GRAP: variants seen among roughly 807,000 people sequenced by gnomAD.
The protein encoded by GRAP is GRB2-related adapter protein.
A neutral mutation model predicts 9.1 loss-of-function variants in GRAP; 2 were observed. The observed-to-expected ratio is 0.22, with a 90% CI of 0.09 to 0.69. The LOEUF (loss-of-function observed/expected upper bound fraction) is 0.69, where lower values mean the gene tolerates loss of function less well. GRAP is among the 30% of genes least tolerant of loss of function. GRAP has a pLI of 0.81. For missense variants in GRAP, 113 were observed against 179.4 expected (o/e 0.63, Z 2.12); for synonymous variants, 68 against 73.6 (o/e 0.92, Z 0.39).
intron 3 of GRAP, among the ~76,000 whole-genome samples, chr17:19,027,495 C>CACACACAT: frequency 1.4e-5 from 2 of 147,522 alleles, no homozygotes. Flanking sequence ...CACACACACA[C>CACACACAT]ACACACACAC....
At chr17:19,049,834 T>C (rs2044390487), upstream of GRAP, among the ~76,000 whole-genome samples, 1 of 150,444 alleles carries the variant, frequency 6.6e-6, no homozygotes, top group African/African-American at 2.4e-5. Flanking sequence ...TCCCAGCTAT[T>C]TGGGAGGCTG....
Position 19,021,880 on chromosome 17 carries a change from A to T in GRAP, c.*79T>A. On this transcript the variant is annotated 3_prime_UTR_variant, in exon 5 of 5. Transcript: ENST00000284154. This position sits in a 1 kb window ranked among gnomAD's most constrained non-coding sequence, Gnocchi z 4.1. ...CCACTGAGCCCCGTGTGACTCTGACAGAGCTGGGGGTGTCCATGTCCTCTC... is the reference window on the plus strand; with the variant it reads ...CCACTGAGCCCCGTGTGACTCTGACTGAGCTGGGGGTGTCCATGTCCTCTC... 1.5e-6 allele frequency: 2 copies of T among 1,367,048 alleles called. No homozygotes were observed. Among genetic ancestry groups the T allele is most frequent in the Non-Finnish European group, 1.9e-6 (2 of 1,048,300 alleles). The allele number at this position is 1,367,048 out of a possible 1,614,324, so 84.7% of individuals were successfully genotyped here. A position where few individuals can be genotyped will look rare whatever the true frequency, so the allele number is the denominator to read the frequency against.
Position 19,020,813 on chromosome 17 carries a change from C to T in GRAP, c.*1146G>A, listed in dbSNP as rs2044251990. The T allele has an allele frequency of 2.3e-5, 5 of 213,296 alleles. No individual in the cohort carries two copies. The South Asian group carries it at 4.1e-4, about 18-fold the overall frequency. The allele number at this position is 213,296 out of a possible 1,614,324, so 13.2% of individuals were successfully genotyped here. A position where few individuals can be genotyped will look rare whatever the true frequency, so the allele number is the denominator to read the frequency against. On this transcript the variant is annotated 3_prime_UTR_variant, in exon 5 of 5. Coordinates refer to ENST00000284154, the MANE Select transcript of GRAP (RefSeq NM_006613.4). ...GGATGGAGGAAGAGCCCCACATGCCCAGAGCAAGGCCCCCCATTAAGGGAC... is the reference window on the plus strand; with the variant it reads ...GGATGGAGGAAGAGCCCCACATGCCTAGAGCAAGGCCCCCCATTAAGGGAC...
intron 4 of GRAP, among the ~76,000 whole-genome samples, chr17:19,022,977 C>T (rs2044285150): frequency 6.6e-6 from 1 of 152,198 alleles, no homozygotes; most frequent in Non-Finnish European, 1.5e-5. Flanking sequence ...ACGGCCCGGG[C>T]CAGAGCGAGG....
At chr17:19,031,455 C>T (rs2044336468) in intron 3 of GRAP, 1 of 129,048 alleles carries the variant, frequency 7.7e-6, no homozygotes, top group African/African-American at 3.0e-5. Context: ...ATCTGGGTTC[C>T]CTGACTCCCT....
intron 4 of GRAP, chr17:19,022,560 C>T (rs942033196): frequency 6.4e-5 from 11 of 171,220 alleles, no homozygotes; most frequent in African/African-American, 9.5e-5. Context: ...TGTAAAGTGA[C>T]GTGCAGCTAA....
At chr17:19,027,340 A>C (rs2044314980) in intron 3 of GRAP, among the ~76,000 whole-genome samples, 1 of 148,222 alleles carries the variant, frequency 6.7e-6, no homozygotes, top group Non-Finnish European at 1.5e-5. Flanking sequence ...GTAGGGGCAC[A>C]GGATGGCCAC....
At chr17:19,028,333 AG>A (rs1240131501) in intron 3 of GRAP, among the ~76,000 whole-genome samples, 2 of 20,454 alleles carry the variant, frequency 9.8e-5, no homozygotes, top group Admixed American at 9.9e-4. Flanking sequence ...CTCAAGGCCC[AG>A]GTAAAATGGC....
Position 19,024,225 on chromosome 17 carries a change from G to C in GRAP, c.458C>G (p.Pro153Arg). The C allele has an allele frequency of 6.3e-7, 1 of 1,588,704 alleles. No homozygotes were observed. The highest frequency in any genetic ancestry group is 8.6e-7 in the Non-Finnish European group (1 of 1,167,928). ...KRQIFLRDEE[P>R]LLKSPGACFA... ...CCCACCCGCCCCTACCTTGAGCAAG[G>C]GCTCCTCGTCGCGCAGGAAGATCTG... is the stretch of plus-strand genomic sequence containing the variant. The change falls in exon 4 of 5, where the codon CCC becomes CGC. Residue 153 changes from proline to arginine, a missense_variant. Coordinates refer to ENST00000284154, the MANE Select transcript of GRAP (RefSeq NM_006613.4). This position sits in a 1 kb window ranked among gnomAD's most constrained non-coding sequence, Gnocchi z 4.2.
intron 4 of GRAP, chr17:19,022,490 C>T: frequency 4.0e-6 from 1 of 251,088 alleles, no homozygotes; most frequent in East Asian, 7.2e-5. Flanking sequence ...CCCGACTCTG[C>T]AGCAGCCATG....
At chr17:19,031,621 G>A (rs1429558474) in intron 3 of GRAP, 21 of 138,838 alleles carry the variant, frequency 1.5e-4, no homozygotes, top group African/African-American at 4.7e-4. Context: ...TCATGTGCCA[G>A]TCATCATAAA....
Position 19,024,262 on chromosome 17 carries a change from C to T in GRAP, c.421G>A (p.Ala141Thr), listed in dbSNP as rs770213883. ...LVDFYRTTTI[A>T]KKRQIFLRDE... Reference sequence around the variant, plus strand: ...CGCAGGAAGATCTGCCGCTTCTTGGCGATGGTGGTGGTGCGGTAGAAGTCG... The same window carrying T: ...CGCAGGAAGATCTGCCGCTTCTTGGTGATGGTGGTGGTGCGGTAGAAGTCG... Residue 141 changes from alanine to threonine, a missense_variant, in exon 4 of 5, where the codon GCC becomes ACC. Ala to Thr is a moderately conservative substitution (Grantham distance 58). Around this residue, in one of 2 missense-constraint regions of GRAP, gnomAD observed 113 missense variants for 163.3 expected, o/e 0.69. Coordinates refer to ENST00000284154, the MANE Select transcript of GRAP (RefSeq NM_006613.4). The surrounding 1 kb of genome is among the most constrained non-coding windows in gnomAD (Gnocchi z 4.2). The T allele has an allele frequency of 4.4e-6, 7 of 1,604,870 alleles. No individual in the cohort carries two copies. The highest frequency in any genetic ancestry group is 2.3e-5 in the East Asian group (1 of 44,418).
rs746504231 is a variant in GRAP at position 19,021,975 on chromosome 17, T to C, written c.638A>G (p.Gln213Arg). The change falls in exon 5 of 5, where the codon CAG (glutamine) becomes CGG (arginine). Residue 213 changes from glutamine to arginine, a missense_variant. Around this residue, in one of 2 missense-constraint regions of GRAP, gnomAD observed 113 missense variants for 163.3 expected, o/e 0.69. Transcript: ENST00000284154. This position sits in a 1 kb window ranked among gnomAD's most constrained non-coding sequence, Gnocchi z 4.1. ...RVGFFPRSYV[Q>R]PVHL ...CCGGGCTGCTCACAGGTGCACGGGCTGCACGTAACTCCGTGGGAAGAAGCC... is the reference window on the plus strand; with the variant it reads ...CCGGGCTGCTCACAGGTGCACGGGCCGCACGTAACTCCGTGGGAAGAAGCC... The C allele has an allele frequency of 3.6e-5, 56 of 1,568,318 alleles. No homozygotes were observed. Among genetic ancestry groups the C allele is most frequent in the Non-Finnish European group, 4.6e-5 (53 of 1,158,750 alleles).
chr17:19,022,759 G>T (rs2044282919), intron 4 of GRAP, among the ~76,000 whole-genome samples: 1 of 152,210 alleles, frequency 6.6e-6, no homozygotes. Flanking sequence ...CAGCACATCT[G>T]CCTGGCACCG....
chr17:19,022,908 G>A (rs1167887765), intron 4 of GRAP, among the ~76,000 whole-genome samples: 16 of 152,350 alleles, frequency 1.1e-4, no homozygotes, highest in Admixed American at 5.2e-4. Context: ...AGGAGGAGGC[G>A]TCATAGGTCC....
At position 19,020,681 on chromosome 17, in the gene GRAP, G is replaced by A. The variant is rs912063036; in HGVS notation, c.*1278C>T. 1.8e-5 allele frequency: 10 copies of A among 544,440 alleles called. No individual in the cohort carries two copies. The highest frequency in any genetic ancestry group is 3.8e-5 in the African/African-American group (2 of 52,878). The allele number at this position is 544,440 out of a possible 1,614,324, so 33.7% of individuals were successfully genotyped here. On this transcript the variant is annotated 3_prime_UTR_variant, in exon 5 of 5. Coordinates refer to ENST00000284154, the MANE Select transcript of GRAP (RefSeq NM_006613.4). The stretch of plus-strand genomic sequence containing the variant: ...TTGGAAGGAAAATTAGATTTCTGAC[G>A]GACATCCTGATGTTGGTTTTACTGT...
intron 4 of GRAP, chr17:19,022,628 T>C (rs2044281761): frequency 6.5e-6 from 1 of 153,918 alleles, no homozygotes; most frequent in South Asian, 2.1e-4. Flanking sequence ...ATTGTCACTT[T>C]GAGCTCTCAG....
intron 3 of GRAP, among the ~76,000 whole-genome samples, chr17:19,025,688 C>T (rs2044310261): frequency 7.5e-6 from 1 of 133,114 alleles, no homozygotes; most frequent in Non-Finnish European, 1.6e-5. Context: ...TCTCGGCTCA[C>T]TGCAAGCTCC....
Position 19,021,625 on chromosome 17 carries a change from C to G in GRAP, c.*334G>C. The G allele has an allele frequency of 5.1e-6, 2 of 393,690 alleles. No homozygotes were observed. The highest frequency in any genetic ancestry group is 9.0e-6 in the Non-Finnish European group (2 of 223,374). 24.4% of individuals were successfully genotyped at this position (393,690 alleles called of 1,614,324 possible). A position where few individuals can be genotyped will look rare whatever the true frequency, so the allele number is the denominator to read the frequency against. Reference sequence around the variant, plus strand: ...AGGTTGAGCCTCCAGTGGGTGAAACCTGGGAGTCCTCAACCTTCCTGGCAG... The same window carrying G: ...AGGTTGAGCCTCCAGTGGGTGAAACGTGGGAGTCCTCAACCTTCCTGGCAG... On this transcript the variant is annotated 3_prime_UTR_variant, in exon 5 of 5. Transcript: ENST00000284154. The surrounding 1 kb of genome is among the most constrained non-coding windows in gnomAD (Gnocchi z 4.1).
Sources: allele counts gnomAD v4.1 joint callset (sites outside exome capture counted in the v4.1 genomes callset), GRCh38; gene constraint gnomAD v4.1.1; regional missense constraint gnomAD v4.1.1; non-coding constraint Gnocchi (gnomAD v3.1); transcripts MANE v1.5; gene names NCBI Gene and HGNC (gene_info 2026-07-23, HGNC 2026-07-21).